Variants in KAZN observed in about 807,000 individuals in gnomAD.
KAZN encodes the protein kazrin.
In KAZN, 40 loss-of-function variants were observed where a neutral mutation model predicts 87.4. The observed-to-expected ratio is 0.46, with a 90% CI of 0.36 to 0.60. KAZN has a LOEUF of 0.60. KAZN is among the 20% of genes least tolerant of loss of function. KAZN has a pLI of 0.00. For missense variants in KAZN, 898 were observed against 1,073.9 expected (o/e 0.84, Z 2.29); for synonymous variants, 466 against 458.3 (o/e 1.02, Z -0.22).
intron 1 of KAZN, among the ~76,000 whole-genome samples, chr1:14,884,885 C>T (rs867941533): frequency 8.5e-5 from 13 of 152,192 alleles, no homozygotes; most frequent in Non-Finnish European, 7.3e-5. Flanking sequence ...CATTTCTCAG[C>T]GACAGCGATG....
intron 1 of KAZN, among the ~76,000 whole-genome samples, chr1:14,617,744 T>C (rs1678366745): frequency 6.6e-6 from 1 of 152,194 alleles, no homozygotes. Context: ...TGACCTTTCT[T>C]GGGAGTGACA....
At chr1:14,425,955 T>C (rs889920565) in intron 2 of KAZN, among the ~76,000 whole-genome samples, 1 of 152,192 alleles carries the variant, frequency 6.6e-6, no homozygotes, top group Non-Finnish European at 1.5e-5. Context: ...AACATTCTTT[T>C]ATCTGGATTT....
intron 2 of KAZN, among the ~76,000 whole-genome samples, chr1:14,272,279 G>A (rs1044406908): frequency 2.0e-5 from 3 of 152,124 alleles, no homozygotes; most frequent in African/African-American, 7.2e-5. Flanking sequence ...CTGTGGACTA[G>A]CCAGGATATA....
chr1:14,964,901 A>C lies in KAZN; in HGVS notation c.418+4026A>C, dbSNP rs12076022. Among the ~76,000 whole-genome samples, 1,419 of 152,362 alleles carry C rather than the reference A, an allele frequency of 9.3e-3. 28 individuals are homozygous for C. The highest frequency in any genetic ancestry group is 0.032 in the African/African-American group (1,330 of 41,580). On this transcript the variant is annotated intron_variant, in intron 2 of 14. Transcript: ENST00000376030. ...GCAATGGAAAGAATCTTGTTTGGGA[A>C]AAACGGGGGCTTAGAAGATTCCTTT... is the stretch of plus-strand genomic sequence containing the variant.
chr1:14,415,276 T>C (rs1664655644), intron 2 of KAZN, among the ~76,000 whole-genome samples: 1 of 152,212 alleles, frequency 6.6e-6, no homozygotes, highest in Admixed American at 6.5e-5. Flanking sequence ...GAGGCTGTAG[T>C]ATTAATCCGG....
intron 2 of KAZN, among the ~76,000 whole-genome samples, chr1:14,373,198 AATATATATATATATAT>A (rs58491688): frequency 2.0e-5 from 3 of 149,206 alleles, no homozygotes; most frequent in African/African-American, 2.5e-5. Flanking sequence ...TGAAAAACTG[AATATATATATATATAT>A]ATATATATAT....
intron 2 of KAZN, among the ~76,000 whole-genome samples, chr1:14,307,658 G>A (rs1292327070): frequency 6.6e-6 from 1 of 152,164 alleles, no homozygotes; most frequent in Non-Finnish European, 1.5e-5. Flanking sequence ...AGCTGCCCAA[G>A]ACAGAGTCTC....
intron 2 of KAZN, among the ~76,000 whole-genome samples, chr1:14,378,950 C>T (rs893467093): frequency 2.6e-5 from 4 of 151,088 alleles, no homozygotes; most frequent in East Asian, 2.0e-4. Context: ...CCCGCCAAAC[C>T]GAGGCTGCAC....
chr1:13,923,527 C>T lies in KAZN; in HGVS notation c.91+29771C>T, dbSNP rs181174230. Reference sequence around the variant, plus strand: ...GGCGGAGCTTGCAGTGAGCCGAGATCGCGCCACTGCACTCCAGCCTGGGTG... The same window carrying T: ...GGCGGAGCTTGCAGTGAGCCGAGATTGCGCCACTGCACTCCAGCCTGGGTG... On this transcript the variant is annotated intron_variant, in intron 1 of 16. Transcript: ENST00000636203. Among the ~76,000 whole-genome samples, 352 of 148,340 alleles carry T rather than the reference C, an allele frequency of 2.4e-3. 1 individual carries two copies. Among genetic ancestry groups the T allele is most frequent in the Non-Finnish European group, 3.6e-3 (241 of 67,514 alleles).
At chr1:14,821,561 T>C (rs1224588706) in intron 1 of KAZN, among the ~76,000 whole-genome samples, 1 of 146,524 alleles carries the variant, frequency 6.8e-6, no homozygotes, top group African/African-American at 2.5e-5. Context: ...GTAACTAGGG[T>C]GGGCCCTAAC....
intron 1 of KAZN, among the ~76,000 whole-genome samples, chr1:13,958,672 C>T (rs1230075907): frequency 6.6e-6 from 1 of 151,718 alleles, no homozygotes; most frequent in Non-Finnish European, 1.5e-5. Flanking sequence ...TAAGCAGAGA[C>T]TAGGGGGTTA....
chr1:15,109,425 T>C (rs775677158), intron 13 of KAZN, among the ~76,000 whole-genome samples: 55 of 152,162 alleles, frequency 3.6e-4, no homozygotes, highest in Non-Finnish European at 7.1e-4. Flanking sequence ...ATGAGGAAAC[T>C]GAGGCCCAGT....
intron 1 of KAZN, among the ~76,000 whole-genome samples, chr1:14,841,543 C>T (rs1175459239): frequency 6.6e-6 from 1 of 151,596 alleles, no homozygotes; most frequent in African/African-American, 2.4e-5. Flanking sequence ...TTTTTAAATC[C>T]CTGGAGCATT....
upstream of KAZN, among the ~76,000 whole-genome samples, chr1:14,595,302 G>C (rs1164861953): frequency 1.4e-4 from 21 of 152,180 alleles, no homozygotes; most frequent in Non-Finnish European, 1.5e-5. Context: ...CATATTAGCT[G>C]TTCCTTGAAA....
At chr1:14,991,214 C>A (rs543310054) in intron 2 of KAZN, among the ~76,000 whole-genome samples, 1 of 151,920 alleles carries the variant, frequency 6.6e-6, no homozygotes, top group South Asian at 2.1e-4. Flanking sequence ...ATTATCCGGG[C>A]GTGGTGGTGG....
chr1:14,894,825 A>G (rs1655091982), intron 1 of KAZN, among the ~76,000 whole-genome samples: 1 of 152,350 alleles, frequency 6.6e-6, no homozygotes, highest in South Asian at 2.1e-4. Context: ...AGGACGGGGA[A>G]ATCAATTCAA....
intron 1 of KAZN, among the ~76,000 whole-genome samples, chr1:14,601,356 G>A (rs528799572): frequency 1.4e-4 from 21 of 152,272 alleles, no homozygotes; most frequent in East Asian, 7.7e-4. Context: ...ACAAGCCCCC[G>A]TATAAGTTCA....
chr1:14,607,678 TTC>T (rs752207091), intron 1 of KAZN, among the ~76,000 whole-genome samples: 3 of 152,190 alleles, frequency 2.0e-5, no homozygotes, highest in African/African-American at 4.8e-5. Context: ...TGAGAATCTC[TTC>T]TCTCTGCCTC....
intron 1 of KAZN, among the ~76,000 whole-genome samples, chr1:14,649,200 T>C (rs1681038458): frequency 6.6e-6 from 1 of 152,244 alleles, no homozygotes; most frequent in Non-Finnish European, 1.5e-5. Flanking sequence ...CAAGGATTGA[T>C]GGCTAAGGAG....
Sources: gnomAD v4.1 joint callset for allele counts (sites outside exome capture counted in the v4.1 genomes callset) on GRCh38, gnomAD v4.1.1 for gene constraint, MANE v1.5 for transcripts, NCBI Gene and HGNC (gene_info 2026-07-23, HGNC 2026-07-21) for gene names.